The following RCBTB1 variants were observed in gnomAD, a reference collection of about 807,000 sequenced individuals.
The protein encoded by RCBTB1 is RCC1 and BTB domain-containing protein 1.
A neutral mutation model predicts 62.4 loss-of-function variants in RCBTB1; 46 were observed. The ratio of observed to expected loss-of-function variants is 0.74; its 90% CI spans 0.58 to 0.94. The LOEUF (loss-of-function observed/expected upper bound fraction) is 0.94. RCBTB1 is among the 40% of genes least tolerant of loss of function. The probability of loss-of-function intolerance (pLI) is 0.00; values close to 1 mark genes in which losing one functional copy is unlikely to be tolerated. For synonymous variants in RCBTB1, 222 were observed against 245.8 expected (o/e 0.90, Z 0.91); for missense variants, 565 against 654.9 (o/e 0.86, Z 1.50).
intron 2 of RCBTB1, among the ~76,000 whole-genome samples, chr13:49,570,573 C>T (rs1448425392): frequency 1.3e-5 from 2 of 152,138 alleles, no homozygotes; most frequent in Non-Finnish European, 2.9e-5. Flanking sequence ...GGGTTTCCCC[C>T]AAACCTAGAA....
chr13:49,535,196 A>G (rs1320038177), intron 12 of RCBTB1, among the ~76,000 whole-genome samples: 1 of 152,162 alleles, frequency 6.6e-6, no homozygotes, highest in African/African-American at 2.4e-5. Flanking sequence ...TTTCAGTCAA[A>G]CAGAAGTCAC....
rs1566224972 is a variant in RCBTB1, at chr13:49,548,024, C to A, written c.1045+1434G>T. ...AAACTCCTGAGCTCAAGCAATCCAC[C>A]CACCTTGGCCTCCCAAAGTGCTGAG... is the stretch of plus-strand genomic sequence containing the variant. On this transcript the variant is annotated intron_variant, in intron 9 of 12. Coordinates refer to ENST00000378302, the MANE Select transcript of RCBTB1 (RefSeq NM_018191.4). Among the ~76,000 whole-genome samples the A allele has an allele frequency of 2.0e-5, 3 of 152,102 alleles. No individual in the cohort carries two copies. The South Asian group carries it at 6.2e-4, about 32-fold the overall frequency.
At chr13:49,557,180 T>C (rs1188304183) in intron 5 of RCBTB1, among the ~76,000 whole-genome samples, 2 of 152,124 alleles carry the variant, frequency 1.3e-5, no homozygotes, top group African/African-American at 2.4e-5. Flanking sequence ...AGAGGAACAG[T>C]ATGATCTAAT....
intron 12 of RCBTB1, chr13:49,539,399 G>C (rs766548741): frequency 6.6e-5 from 10 of 152,170 alleles, no homozygotes; most frequent in Non-Finnish European, 1.5e-4. Flanking sequence ...AGCAGCAGCA[G>C]AGGCTTTTTC....
intron 4 of RCBTB1, 110 bp from the exon 5 acceptor site, chr13:49,560,194 T>C (rs775925323): frequency 3.8e-5 from 45 of 1,170,310 alleles, no homozygotes; most frequent in Non-Finnish European, 5.0e-5. Context: ...TTCTCTCCCA[T>C]TGCCCCCTCC....
chr13:49,549,626 G>A lies in RCBTB1; in HGVS notation c.877C>T (p.His293Tyr). The A allele has an allele frequency of 6.2e-7, 1 of 1,611,876 alleles. No homozygotes were observed. The highest frequency in any genetic ancestry group is 8.5e-7 in the Non-Finnish European group (1 of 1,178,890). The part of the protein sequence containing the change: ...KERVVEIAAC[H>Y]SAHTSAAKTQ... ...TTGGCTGCAGACGTGTGGGCAGAGTGACAGGCTGCAATCTCTACCACCCTG... is the reference window on the plus strand; with the variant it reads ...TTGGCTGCAGACGTGTGGGCAGAGTAACAGGCTGCAATCTCTACCACCCTG... Residue 293 changes from histidine to tyrosine, a missense_variant, in exon 9 of 13, where the codon CAC becomes TAC. His to Tyr is a moderately conservative substitution (Grantham distance 83). Transcript: ENST00000378302.
intron 8 of RCBTB1, chr13:49,550,453 C>T: frequency 2.0e-6 from 2 of 982,412 alleles, no homozygotes; most frequent in Non-Finnish European, 2.4e-6. Context: ...GTCTCATAAT[C>T]AGAAGTCAGC....
At chr13:49,566,843 A>G in intron 3 of RCBTB1, 75 bp from the exon 4 acceptor site, 1 of 1,384,816 alleles carries the variant, frequency 7.2e-7, no homozygotes, top group East Asian at 2.3e-5. Flanking sequence ...CTCCTCTGAA[A>G]ATAAGACATT....
chr13:49,539,146 G>A (rs961968722), intron 12 of RCBTB1, among the ~76,000 whole-genome samples: 6 of 148,976 alleles, frequency 4.0e-5, no homozygotes, highest in South Asian at 2.1e-4. Context: ...GATTACAGGC[G>A]TGATCTCCAA....
intron 4 of RCBTB1, among the ~76,000 whole-genome samples, chr13:49,561,943 A>T (rs183406727): frequency 1.7e-3 from 263 of 151,738 alleles, no homozygotes; most frequent in African/African-American, 5.8e-3. Flanking sequence ...AAAAAAAAAA[A>T]AATACAAAAA....
chr13:49,555,039 G>A (rs2139200889), intron 6 of RCBTB1, among the ~76,000 whole-genome samples: 1 of 152,296 alleles, frequency 6.6e-6, no homozygotes. Context: ...TAAAGGGACA[G>A]TTGTTAAAAG....
chr13:49,564,391 C>A (rs1962725911), intron 4 of RCBTB1, among the ~76,000 whole-genome samples: 2 of 151,334 alleles, frequency 1.3e-5, no homozygotes, highest in Admixed American at 1.3e-4. Context: ...TCCAGACCAA[C>A]CTGGCCAATA....
chr13:49,566,095 T>C (rs1227349374), intron 4 of RCBTB1, among the ~76,000 whole-genome samples: 1 of 150,408 alleles, frequency 6.6e-6, no homozygotes, highest in African/African-American at 2.5e-5. Context: ...CACTCCCTAA[T>C]CTCAAGTACC....
chr13:49,543,055 G>C (rs1960509786), intron 10 of RCBTB1, among the ~76,000 whole-genome samples: 1 of 152,186 alleles, frequency 6.6e-6, no homozygotes, highest in African/African-American at 2.4e-5. Flanking sequence ...CTGAGGTCAG[G>C]AGTTTGAGAC....
intron 5 of RCBTB1, among the ~76,000 whole-genome samples, chr13:49,557,122 T>A (rs984739528): frequency 6.6e-6 from 1 of 152,194 alleles, no homozygotes; most frequent in Admixed American, 6.5e-5. Context: ...CACTTATAAG[T>A]TGTCCTACTT....
chr13:49,535,474 G>A (rs1959865414), intron 12 of RCBTB1, among the ~76,000 whole-genome samples: 1 of 152,170 alleles, frequency 6.6e-6, no homozygotes, highest in Non-Finnish European at 1.5e-5. Context: ...TACATTGAAG[G>A]TCAGCACTCC....
intron 4 of RCBTB1, among the ~76,000 whole-genome samples, chr13:49,561,238 A>G (rs1182673785): frequency 6.6e-6 from 1 of 152,202 alleles, no homozygotes; most frequent in Non-Finnish European, 1.5e-5. Flanking sequence ...CAAGTATTAC[A>G]GTTAGGCTGC....
intron 3 of RCBTB1, 124 bp from the exon 4 acceptor site, chr13:49,566,892 G>C (rs990619114): frequency 9.2e-6 from 9 of 975,340 alleles, no homozygotes; most frequent in African/African-American, 3.3e-5. Context: ...AGACTGATAT[G>C]GTTGTTAAGA....
intron 3 of RCBTB1, 144 bp from the exon 4 acceptor site, chr13:49,566,912 C>T (rs1187994833): frequency 4.6e-6 from 4 of 874,152 alleles, no homozygotes; most frequent in Non-Finnish European, 5.1e-6. Flanking sequence ...AAAAATTCAA[C>T]CTCTGTGGAC....
Sources: gnomAD v4.1 joint callset for allele counts (sites outside exome capture counted in the v4.1 genomes callset) on GRCh38, gnomAD v4.1.1 for gene constraint, MANE v1.5 for transcripts, NCBI Gene and HGNC (gene_info 2026-07-23, HGNC 2026-07-21) for gene names.